Variants in SPOCK1 observed in about 807,000 individuals in gnomAD.
SPOCK1 encodes testican-1.
Under a neutral mutation model 55.3 loss-of-function variants are expected in SPOCK1, and 23 were observed. That is an observed-to-expected ratio of 0.42 (90% confidence interval 0.30 to 0.59). The LOEUF (loss-of-function observed/expected upper bound fraction) is 0.59. Ranked by LOEUF, SPOCK1 falls within the 20% of genes least tolerant of loss-of-function variation. The probability of loss-of-function intolerance (pLI) is 0.22; values close to 1 mark genes in which losing one functional copy is unlikely to be tolerated. For synonymous variants in SPOCK1, 226 were observed against 221.0 expected (o/e 1.02, Z -0.20); for missense variants, 499 against 552.5 (o/e 0.90, Z 0.97).
intron 6 of SPOCK1, among the ~76,000 whole-genome samples, chr5:136,995,040 T>C (rs1316208541): frequency 6.6e-6 from 1 of 151,994 alleles, no homozygotes; most frequent in Non-Finnish European, 1.5e-5. Flanking sequence ...AATAGATAGT[T>C]CCTCAGTTGC....
At chr5:137,192,232 C>CAAAAAAAAAA (rs60401497) in intron 3 of SPOCK1, among the ~76,000 whole-genome samples, 1 of 68,246 alleles carries the variant, frequency 1.5e-5, no homozygotes, top group Non-Finnish European at 2.8e-5. Flanking sequence ...GACTCTGTCT[C>CAAAAAAAAAA]AAAAAAAAAA....
At chr5:137,232,506 T>G (rs1756082971) in intron 3 of SPOCK1, among the ~76,000 whole-genome samples, 1 of 152,232 alleles carries the variant, frequency 6.6e-6, no homozygotes, top group African/African-American at 2.4e-5. Context: ...CCTGGCTCTC[T>G]TTCTGGGTTA....
chr5:137,330,915 T>C (rs1758165743), intron 2 of SPOCK1, among the ~76,000 whole-genome samples: 1 of 152,248 alleles, frequency 6.6e-6, no homozygotes, highest in Admixed American at 6.5e-5. Flanking sequence ...CATTATACGA[T>C]TTAATCCACC....
At chr5:136,988,338 C>T in intron 8 of SPOCK1, 84 bp downstream of exon 8, 2 of 1,060,510 alleles carry the variant, frequency 1.9e-6, no homozygotes, top group Non-Finnish European at 2.8e-6. Context: ...TGGCTCTCTG[C>T]CCAATTCATA....
At chr5:137,287,836 T>G (rs1757296671) in intron 2 of SPOCK1, among the ~76,000 whole-genome samples, 1 of 152,302 alleles carries the variant, frequency 6.6e-6, no homozygotes, top group Non-Finnish European at 1.5e-5. Context: ...AAACAGCTGT[T>G]TGTGCTTTAG....
chr5:137,079,539 C>T (rs1053153470), intron 5 of SPOCK1, among the ~76,000 whole-genome samples: 3 of 149,004 alleles, frequency 2.0e-5, no homozygotes, highest in South Asian at 2.2e-4. Flanking sequence ...TGATTCCCCC[C>T]CCCCCCGACT....
intron 2 of SPOCK1, among the ~76,000 whole-genome samples, chr5:137,276,453 T>G (rs1322618807): frequency 2.0e-5 from 3 of 152,232 alleles, no homozygotes; most frequent in African/African-American, 7.2e-5. Context: ...CTGTAGAAGC[T>G]GGCTACTCCT....
At chr5:137,037,637 A>T (rs965405771) in intron 6 of SPOCK1, among the ~76,000 whole-genome samples, 3 of 152,200 alleles carry the variant, frequency 2.0e-5, no homozygotes, top group African/African-American at 7.2e-5. Flanking sequence ...CAGCATACAT[A>T]TACTCCCTTA....
At chr5:137,041,552 T>C (rs527514825) in intron 6 of SPOCK1, among the ~76,000 whole-genome samples, 2 of 152,284 alleles carry the variant, frequency 1.3e-5, no homozygotes, top group South Asian at 2.1e-4. Context: ...ATAAAAATAT[T>C]TGCAAAACAC....
At chr5:137,345,463 T>G (rs1750536508) in intron 2 of SPOCK1, among the ~76,000 whole-genome samples, 1 of 152,206 alleles carries the variant, frequency 6.6e-6, no homozygotes, top group African/African-American at 2.4e-5. Context: ...GATTCCATAC[T>G]TCAGTGTTAA....
chr5:137,135,059 A>T (rs1165216764), intron 4 of SPOCK1, among the ~76,000 whole-genome samples: 2 of 152,206 alleles, frequency 1.3e-5, no homozygotes, highest in African/African-American at 4.8e-5. Flanking sequence ...AAGTCGGGCC[A>T]TGTCTGCTCC....
intron 2 of SPOCK1, among the ~76,000 whole-genome samples, chr5:137,457,747 C>G (rs1482683882): frequency 2.6e-5 from 4 of 152,172 alleles, no homozygotes; most frequent in African/African-American, 9.7e-5. Flanking sequence ...CACAGAATTA[C>G]TACATTCCTT....
intron 3 of SPOCK1, among the ~76,000 whole-genome samples, chr5:137,219,557 C>T (rs1755805783): frequency 6.6e-6 from 1 of 152,002 alleles, no homozygotes. Flanking sequence ...TTTTTTTCTC[C>T]AAATGAATAG....
At chr5:137,287,303 CCTT>C (rs1387093234) in intron 2 of SPOCK1, among the ~76,000 whole-genome samples, 1 of 152,220 alleles carries the variant, frequency 6.6e-6, no homozygotes, top group Non-Finnish European at 1.5e-5. Context: ...TAGACTCAGA[CCTT>C]CTGGTCATAA....
chr5:137,421,223 G>A (rs1752485227), intron 2 of SPOCK1, among the ~76,000 whole-genome samples: 2 of 152,124 alleles, frequency 1.3e-5, no homozygotes, highest in African/African-American at 2.4e-5. Flanking sequence ...CCAACTATGT[G>A]GTCAATTTTG....
intron 9 of SPOCK1, among the ~76,000 whole-genome samples, chr5:136,983,463 G>A (rs1252082775): frequency 2.0e-5 from 3 of 152,164 alleles, no homozygotes; most frequent in Non-Finnish European, 4.4e-5. Context: ...ATTAAGGAGT[G>A]TACGCCATTG....
chr5:137,263,370 G>A (rs1008490292), intron 3 of SPOCK1, among the ~76,000 whole-genome samples: 5 of 152,276 alleles, frequency 3.3e-5, no homozygotes, highest in East Asian at 3.9e-4. Flanking sequence ...GATCCCCACT[G>A]AGAAGCACTA....
At chr5:137,201,787 T>A (rs561864785) in intron 3 of SPOCK1, among the ~76,000 whole-genome samples, 1 of 152,336 alleles carries the variant, frequency 6.6e-6, no homozygotes, top group South Asian at 2.1e-4. Flanking sequence ...CGGTACACAC[T>A]GTCTCTTCTT....
intron 2 of SPOCK1, among the ~76,000 whole-genome samples, chr5:137,293,556 T>C (rs964521621): frequency 7.4e-6 from 1 of 135,654 alleles, no homozygotes; most frequent in Non-Finnish European, 1.6e-5. Context: ...AAACCTGTCA[T>C]GGGGCTCTGA....
Sources: allele counts gnomAD v4.1 joint callset (sites outside exome capture counted in the v4.1 genomes callset), GRCh38; gene constraint gnomAD v4.1.1; transcripts MANE v1.5; gene names NCBI Gene and HGNC (gene_info 2026-07-23, HGNC 2026-07-21).